The following AUTS2 variants were observed in gnomAD, a reference collection of about 807,000 sequenced individuals.
AUTS2 encodes autism susceptibility gene 2 protein.
AUTS2 carries 17 observed loss-of-function variants against 112.4 expected under a neutral mutation model. The observed-to-expected ratio is 0.15, with a 90% CI of 0.10 to 0.23. AUTS2 has a LOEUF of 0.23. AUTS2 is among the 10% of genes least tolerant of loss of function. AUTS2 has a pLI of 1.00. For missense variants in AUTS2, 1,510 were observed against 1,701.6 expected, an observed-to-expected ratio of 0.89 and a Z score of 1.98; for synonymous variants, 751 against 702.7, an observed-to-expected ratio of 1.07 and a Z score of -1.09.
intron 17 of AUTS2, among the ~76,000 whole-genome samples, chr7:70,786,305 A>G (rs1791471916): frequency 6.6e-6 from 1 of 152,214 alleles, no homozygotes; most frequent in Admixed American, 6.5e-5. Context: ...TCAAGTGCGG[A>G]GTTTCATCCA....
At position 69,603,831 on chromosome 7, in the gene AUTS2, T is replaced by C. The variant is rs188902242; in HGVS notation, c.309+3869T>C. Among the ~76,000 whole-genome samples the C allele has an allele frequency of 2.3e-3, 355 of 152,320 alleles. 1 individual carries two copies. Among genetic ancestry groups the C allele is most frequent in the African/African-American group, 8.3e-3 (344 of 41,568 alleles). On this transcript the variant is annotated intron_variant, in intron 1 of 18. Coordinates refer to ENST00000342771, the MANE Select transcript of AUTS2 (RefSeq NM_015570.4). ...TTTTAGCAAAGTATAAATGGGAATG[T>C]TGGGGTCCTACTACCATCAGTGTGT...
At chr7:70,758,971 T>A (rs1789392912) in intron 6 of AUTS2, among the ~76,000 whole-genome samples, 1 of 152,166 alleles carries the variant, frequency 6.6e-6, no homozygotes, top group Non-Finnish European at 1.5e-5. Context: ...CCCCCGAAGT[T>A]CTTACCAGCT....
intron 2 of AUTS2, among the ~76,000 whole-genome samples, chr7:70,001,710 A>T (rs958980974): frequency 2.5e-4 from 33 of 132,812 alleles, no homozygotes; most frequent in Middle Eastern, 4.1e-3. Flanking sequence ...TCATTGTCAT[A>T]TTTTTTTTTT....
intron 2 of AUTS2, among the ~76,000 whole-genome samples, chr7:70,050,354 TCAAAAAA>T (rs890997683): frequency 1.5e-3 from 7 of 4,766 alleles, no homozygotes; most frequent in African/African-American, 5.0e-3. Flanking sequence ...AGACTCTGTC[TCAAAAAA>T]AAAAAAAAAA....
chr7:69,910,839 G>T (rs1176324730), intron 2 of AUTS2, among the ~76,000 whole-genome samples: 1 of 152,224 alleles, frequency 6.6e-6, no homozygotes, highest in East Asian at 1.9e-4. Context: ...TGTTGACCAG[G>T]CTAGTCTTGA....
intron 1 of AUTS2, among the ~76,000 whole-genome samples, chr7:69,738,543 T>A (rs866828605): frequency 2.0e-5 from 3 of 152,234 alleles, no homozygotes; most frequent in South Asian, 2.1e-4. Flanking sequence ...AGGGTAAACA[T>A]TTAAGCCTGT....
At chr7:69,744,854 C>T (rs1787421071) in intron 1 of AUTS2, among the ~76,000 whole-genome samples, 1 of 151,998 alleles carries the variant, frequency 6.6e-6, no homozygotes, top group Admixed American at 6.6e-5. Context: ...TAAAATATTG[C>T]TTAGAATTTC....
intron 1 of AUTS2, among the ~76,000 whole-genome samples, chr7:69,602,168 A>G (rs1792475480): frequency 6.6e-6 from 1 of 151,686 alleles, no homozygotes; most frequent in South Asian, 2.1e-4. Flanking sequence ...TGTGATATAT[A>G]TCTATTTATT....
chr7:70,656,145 G>A (rs1446011252), intron 5 of AUTS2, among the ~76,000 whole-genome samples: 1 of 151,786 alleles, frequency 6.6e-6, no homozygotes, highest in Non-Finnish European at 1.5e-5. Context: ...TATCCCTTTT[G>A]GGGGATAGGT....
chr7:70,256,492 C>T (rs1786877580), intron 4 of AUTS2, among the ~76,000 whole-genome samples: 1 of 152,164 alleles, frequency 6.6e-6, no homozygotes, highest in African/African-American at 2.4e-5. Flanking sequence ...TTCCAAGCTG[C>T]CAAGGACCTG....
intron 1 of AUTS2, among the ~76,000 whole-genome samples, chr7:69,761,415 G>A (rs968017817): frequency 1.3e-5 from 2 of 152,158 alleles, no homozygotes; most frequent in Admixed American, 6.5e-5. Context: ...GGGGGACACC[G>A]ACGTCTGTTG....
At chr7:70,126,809 A>T (rs746931939) in intron 3 of AUTS2, among the ~76,000 whole-genome samples, 1 of 152,186 alleles carries the variant, frequency 6.6e-6, no homozygotes, top group Non-Finnish European at 1.5e-5. Context: ...TAGGCAAAGA[A>T]TGTGACCTTT....
At chr7:69,710,400 G>C (rs1367393344) in intron 1 of AUTS2, among the ~76,000 whole-genome samples, 1 of 152,220 alleles carries the variant, frequency 6.6e-6, no homozygotes. Flanking sequence ...TAAGGAAACT[G>C]AGATTGAGGC....
At chr7:70,611,235 C>T (rs1240493987) in intron 5 of AUTS2, among the ~76,000 whole-genome samples, 1 of 152,302 alleles carries the variant, frequency 6.6e-6, no homozygotes, top group South Asian at 2.1e-4. Flanking sequence ...CTGTCCCTTC[C>T]CCATTAGCCA....
At chr7:69,898,968 T>G (rs951380140) in intron 1 of AUTS2, among the ~76,000 whole-genome samples, 1 of 152,188 alleles carries the variant, frequency 6.6e-6, no homozygotes, top group African/African-American at 2.4e-5. Flanking sequence ...GGAAGGTCAT[T>G]GTGTGCTGGA....
intron 5 of AUTS2, among the ~76,000 whole-genome samples, chr7:70,554,018 C>T (rs1158528738): frequency 6.6e-6 from 1 of 150,518 alleles, no homozygotes; most frequent in African/African-American, 2.4e-5. Context: ...GATCCACCCA[C>T]CTCGGCCTCC....
chr7:69,740,534 C>CT (rs1787219401), intron 1 of AUTS2, among the ~76,000 whole-genome samples: 1 of 128,242 alleles, frequency 7.8e-6, no homozygotes, highest in Admixed American at 7.7e-5. Context: ...TTTTTTTTTT[C>CT]TTTTTTGAGA....
chr7:70,586,100 T>C (rs1802676151), intron 5 of AUTS2, among the ~76,000 whole-genome samples: 1 of 152,100 alleles, frequency 6.6e-6, no homozygotes, highest in Non-Finnish European at 1.5e-5. Context: ...TGACCTCAAG[T>C]GATCCTCCTG....
intron 4 of AUTS2, among the ~76,000 whole-genome samples, chr7:70,258,946 G>A (rs1584942733): frequency 6.6e-6 from 1 of 152,178 alleles, no homozygotes; most frequent in Admixed American, 6.5e-5. Flanking sequence ...CCATGCAGGA[G>A]TAGCACAGAA....
Sources: allele counts gnomAD v4.1 joint callset (sites outside exome capture counted in the v4.1 genomes callset), GRCh38; gene constraint gnomAD v4.1.1; transcripts MANE v1.5; gene names NCBI Gene and HGNC (gene_info 2026-07-23, HGNC 2026-07-21).